SORCS2: variants seen among roughly 807,000 people sequenced by gnomAD.
The protein encoded by SORCS2 is sortilin related VPS10 domain containing receptor 2, also known as VPS10 domain-containing receptor SorCS2.
Under a neutral mutation model 141.6 loss-of-function variants are expected in SORCS2, and 100 were observed. The ratio of observed to expected loss-of-function variants is 0.71; its 90% CI spans 0.60 to 0.83. SORCS2 has a LOEUF of 0.83. SORCS2 is among the 40% of genes least tolerant of loss of function. The pLI is 0.00. For missense variants in SORCS2, 1,646 were observed against 1,560.2 expected (o/e 1.05, Z -0.93); for synonymous variants, 789 against 676.9 (o/e 1.17, Z -2.57).
intron 2 of SORCS2, among the ~76,000 whole-genome samples, chr4:7,398,959 T>C (rs1477625964): frequency 6.6e-6 from 1 of 152,254 alleles, no homozygotes; most frequent in Non-Finnish European, 1.5e-5. Flanking sequence ...CATTCCCACC[T>C]GGGCAGTGCC....
At chr4:7,608,897 G>A (rs748824107) in intron 3 of SORCS2, among the ~76,000 whole-genome samples, 9 of 152,058 alleles carry the variant, frequency 5.9e-5, no homozygotes, top group Middle Eastern at 3.2e-3. Context: ...AAAGGGAGCC[G>A]CTCATATGTG....
chr4:7,491,184 C>T (rs1731295373), intron 2 of SORCS2, among the ~76,000 whole-genome samples: 1 of 152,220 alleles, frequency 6.6e-6, no homozygotes, highest in African/African-American at 2.4e-5. Flanking sequence ...GAACACAGGG[C>T]ACTGATTTTC....
chr4:7,621,077 G>T (rs538517677), intron 3 of SORCS2, among the ~76,000 whole-genome samples: 12 of 152,268 alleles, frequency 7.9e-5, no homozygotes, highest in African/African-American at 2.9e-4. Context: ...ACCACAAGGA[G>T]GGGGCTCCCA....
chr4:7,351,230 G>C (rs889113429), intron 1 of SORCS2, among the ~76,000 whole-genome samples: 1 of 152,198 alleles, frequency 6.6e-6, no homozygotes, highest in Non-Finnish European at 1.5e-5. Context: ...CACATCTGCT[G>C]TTTACTGGCA....
At chr4:7,487,565 C>T (rs551211254) in intron 2 of SORCS2, among the ~76,000 whole-genome samples, 7 of 152,202 alleles carry the variant, frequency 4.6e-5, no homozygotes, top group Non-Finnish European at 1.0e-4. Context: ...CTAGAGAGAG[C>T]GCGCTGCATG....
At chr4:7,415,197 C>T (rs1044436257) in intron 2 of SORCS2, among the ~76,000 whole-genome samples, 2 of 152,158 alleles carry the variant, frequency 1.3e-5, no homozygotes, top group African/African-American at 2.4e-5. Flanking sequence ...GTAAAAATGA[C>T]CACAAACATA....
At chr4:7,198,894 A>C (rs1013962124) in intron 1 of SORCS2, among the ~76,000 whole-genome samples, 2 of 152,156 alleles carry the variant, frequency 1.3e-5, no homozygotes, top group Non-Finnish European at 2.9e-5. Context: ...ACGGTGACCC[A>C]GGGCTTCTGC....
intron 2 of SORCS2, among the ~76,000 whole-genome samples, chr4:7,452,145 CTT>C (rs796571069): frequency 3.4e-5 from 5 of 145,912 alleles, no homozygotes; most frequent in Non-Finnish European, 3.0e-5. Flanking sequence ...GAAGGCTCTT[CTT>C]TTTTTTTTTT....
At chr4:7,468,543 G>T (rs1729760390) in intron 2 of SORCS2, among the ~76,000 whole-genome samples, 1 of 152,258 alleles carries the variant, frequency 6.6e-6, no homozygotes, top group African/African-American at 2.4e-5. Context: ...GGTTCTGGGT[G>T]CAGTGGGGGC....
rs770335404 is a variant in SORCS2 at position 7,678,313 on chromosome 4, G to T, written c.1341+2084G>T. ...GGAAGCAAGGAGCCAGAAGAAGTTC[G>T]CAGTGGCCCGGTCCAAAGGCGACAC... On this transcript the variant is annotated intron_variant, in intron 9 of 26. Coordinates refer to ENST00000507866, the MANE Select transcript of SORCS2 (RefSeq NM_020777.3). Among the ~76,000 whole-genome samples the T allele has an allele frequency of 3.3e-5, 5 of 150,980 alleles. No homozygotes were observed. In the East Asian group the frequency reaches 9.8e-4, roughly 30 times the overall value.
At chr4:7,414,474 G>A (rs965994326) in intron 2 of SORCS2, among the ~76,000 whole-genome samples, 1 of 152,212 alleles carries the variant, frequency 6.6e-6, no homozygotes, top group African/African-American at 2.4e-5. Context: ...GGCAAGTTAA[G>A]GAAACACCAC....
chr4:7,366,114 T>G (rs952416194), intron 1 of SORCS2, among the ~76,000 whole-genome samples: 1 of 151,980 alleles, frequency 6.6e-6, no homozygotes, highest in African/African-American at 2.4e-5. Context: ...TGGGGGGTGG[T>G]GGCACAGGCT....
chr4:7,308,765 C>T (rs1486739968), intron 1 of SORCS2, among the ~76,000 whole-genome samples: 1 of 151,828 alleles, frequency 6.6e-6, no homozygotes, highest in African/African-American at 2.4e-5. Context: ...CGTCTCGCTC[C>T]AGCACCCTGT....
In SORCS2 at chr4:7,554,094, G is replaced by A. The variant is rs73214652; in HGVS notation, c.648+22465G>A. On this transcript the variant is annotated intron_variant, in intron 3 of 26. Coordinates refer to ENST00000507866, the MANE Select transcript of SORCS2 (RefSeq NM_020777.3). ...CATGAAACGAGGGAACAAATGCAAG[G>A]CCAAAAAATCATACGGAAAGGCCAT... is the stretch of plus-strand genomic sequence containing the variant. Among the ~76,000 whole-genome samples the A allele has an allele frequency of 1.3e-4, 9 of 68,434 alleles. No homozygotes were observed. In the East Asian group the frequency reaches 4.9e-3, roughly 37 times the overall value. The allele number at this position is 68,434 out of a possible 152,430, so 44.9% of individuals were successfully genotyped here. A position where few individuals can be genotyped will look rare whatever the true frequency, so the allele number is the denominator to read the frequency against.
intron 1 of SORCS2, among the ~76,000 whole-genome samples, chr4:7,379,107 C>T (rs1402260323): frequency 2.6e-5 from 4 of 152,302 alleles, no homozygotes; most frequent in East Asian, 3.9e-4. Flanking sequence ...CCTCCTAGAT[C>T]CTGTGCTTGG....
chr4:7,339,623 C>G lies in SORCS2; in HGVS notation c.481-56665C>G, dbSNP rs146170291. Among the ~76,000 whole-genome samples, 1,010 of 152,244 alleles carry G rather than the reference C, an allele frequency of 6.6e-3. 11 individuals are homozygous for G. The highest frequency in any genetic ancestry group is 0.022 in the African/African-American group (922 of 41,536). On this transcript the variant is annotated intron_variant, in intron 1 of 26. Coordinates refer to ENST00000507866, the MANE Select transcript of SORCS2 (RefSeq NM_020777.3). ...CTCTGTGGCCATTTTTGTCAGGACA[C>G]CCAGTCATATTGGGCTCACCAAATG...
intron 2 of SORCS2, among the ~76,000 whole-genome samples, chr4:7,523,255 G>C (rs77505952): frequency 1.3e-5 from 2 of 152,116 alleles, no homozygotes; most frequent in Admixed American, 1.3e-4. Context: ...ACAGGAATTC[G>C]ATCCACGAGT....
chr4:7,352,856 C>T (rs563299326), intron 1 of SORCS2, among the ~76,000 whole-genome samples: 6 of 152,266 alleles, frequency 3.9e-5, no homozygotes, highest in African/African-American at 7.2e-5. Context: ...TCCTGGGGTG[C>T]GTATAACTCT....
intron 3 of SORCS2, among the ~76,000 whole-genome samples, chr4:7,598,409 A>G (rs1330937582): frequency 6.6e-6 from 1 of 152,182 alleles, no homozygotes; most frequent in Non-Finnish European, 1.5e-5. Flanking sequence ...CAAAGCAATA[A>G]GGTCACAGTG....
Sources: gnomAD v4.1 joint callset for allele counts (sites outside exome capture counted in the v4.1 genomes callset) on GRCh38, gnomAD v4.1.1 for gene constraint, MANE v1.5 for transcripts, NCBI Gene and HGNC (gene_info 2026-07-23, HGNC 2026-07-21) for gene names.